SLCO6A1: variants seen among roughly 807,000 people sequenced by gnomAD.
SLCO6A1 encodes solute carrier organic anion transporter family member 6A1.
SLCO6A1 carries 65 observed loss-of-function variants against 72.7 expected under a neutral mutation model. That is an observed-to-expected ratio of 0.89 (90% confidence interval 0.73 to 1.10). SLCO6A1 has a LOEUF of 1.10. Among genes scored for constraint, SLCO6A1 ranks in the 50% least tolerant of loss-of-function variants. The probability of loss-of-function intolerance (pLI) is 0.00; values close to 1 mark genes in which losing one functional copy is unlikely to be tolerated. For missense variants in SLCO6A1, 874 were observed against 872.6 expected (o/e 1.00, Z -0.02); for synonymous variants, 314 against 298.2 (o/e 1.05, Z -0.55).
chr5:102,400,632 A>C (rs7721084), intron 9 of SLCO6A1, among the ~76,000 whole-genome samples: 98,124 of 151,722 alleles, frequency 0.65, 31,948 homozygotes, highest in African/African-American at 0.67. Flanking sequence ...TTCTAAACTA[A>C]AAAATAAGAA....
intron 11 of SLCO6A1, 103 bp from the exon 12 acceptor site, chr5:102,388,928 A>T: frequency 2.1e-6 from 2 of 969,294 alleles, no homozygotes; most frequent in Non-Finnish European, 3.0e-6. Flanking sequence ...TCATCATTCA[A>T]AACATATCAC....
chr5:102,428,283 T>G (rs1749028384), intron 7 of SLCO6A1, among the ~76,000 whole-genome samples: 2 of 151,686 alleles, frequency 1.3e-5, no homozygotes, highest in African/African-American at 4.8e-5. Context: ...CTTCTAGCAG[T>G]TGTGAAAAAA....
intron 2 of SLCO6A1, 72 bp from the exon 3 acceptor site, chr5:102,477,933 T>A (rs1751995612): frequency 7.2e-7 from 1 of 1,396,512 alleles, no homozygotes; most frequent in South Asian, 1.4e-5. Flanking sequence ...GTATTCTTTA[T>A]CAAATATTTT....
At chr5:102,374,025 T>C (rs1189230649) in intron 12 of SLCO6A1, among the ~76,000 whole-genome samples, 2 of 143,714 alleles carry the variant, frequency 1.4e-5, no homozygotes, top group Non-Finnish European at 3.0e-5. Flanking sequence ...TTTTCAATTT[T>C]TTTAAATTAA....
Position 102,481,493 on chromosome 5 carries a change from T to C in SLCO6A1, c.359-1059A>G, listed in dbSNP as rs141956853. On this transcript the variant is annotated intron_variant, in intron 1 of 13. Coordinates refer to ENST00000506729, the MANE Select transcript of SLCO6A1 (RefSeq NM_173488.5). ...CTGCCACAGATTCACTTGCAGCATGTAAGTCGAAGTCAGCTGGGCCCCAGC... is the reference window on the plus strand; with the variant it reads ...CTGCCACAGATTCACTTGCAGCATGCAAGTCGAAGTCAGCTGGGCCCCAGC... Among the ~76,000 whole-genome samples, 1,034 of 152,308 alleles carry C rather than the reference T, an allele frequency of 6.8e-3. 9 individuals carry two copies. The highest frequency in any genetic ancestry group is 0.024 in the African/African-American group (984 of 41,574).
In SLCO6A1 at chr5:102,438,617, C is replaced by T; in HGVS notation, c.1276G>A (p.Gly426Arg). ...AATGACAATAAGAAGGTAAATCTAC[C>T]TGCAAGTGTAGTTGCCACAGTGGGT... is the stretch of plus-strand genomic sequence containing the variant. ...LTPTVATTLA[G>R]LVLIPGGALG... is the part of the protein sequence containing the mutation. The change falls in exon 7 of 14, where the codon GGA (glycine) becomes AGA (arginine). Residue 426 changes from glycine (G) to arginine (R), a missense_variant and splice_region_variant. Gly to Arg is a moderately radical substitution (Grantham distance 125). Coordinates refer to ENST00000506729, the MANE Select transcript of SLCO6A1 (RefSeq NM_173488.5). 2 of 1,586,880 alleles carry T rather than the reference C, an allele frequency of 1.3e-6. No homozygotes were observed. Among genetic ancestry groups the T allele is most frequent in the Non-Finnish European group, 1.7e-6 (2 of 1,171,410 alleles).
chr5:102,433,715 C>T (rs1160509549), intron 7 of SLCO6A1, among the ~76,000 whole-genome samples: 2 of 152,138 alleles, frequency 1.3e-5, no homozygotes, highest in African/African-American at 4.8e-5. Context: ...AGGGCAGTGG[C>T]AATGGGATCC....
At chr5:102,470,347 G>T (rs1751541810) in intron 4 of SLCO6A1, among the ~76,000 whole-genome samples, 1 of 151,992 alleles carries the variant, frequency 6.6e-6, no homozygotes, top group Non-Finnish European at 1.5e-5. Flanking sequence ...ACCTGTTATT[G>T]GTCTATTCAG....
intron 4 of SLCO6A1, among the ~76,000 whole-genome samples, chr5:102,465,609 CTAGAAGAATAAAAAT>C (rs945380906): frequency 9.2e-5 from 14 of 151,974 alleles, no homozygotes; most frequent in African/African-American, 3.4e-4. Context: ...ATCATATAAC[CTAGAAGAATAAAAAT>C]TAGAAGAAAA....
intron 6 of SLCO6A1, 31 bp downstream of exon 6, chr5:102,458,351 T>A (rs1750847081): frequency 6.7e-7 from 1 of 1,495,770 alleles, no homozygotes; most frequent in Non-Finnish European, 9.2e-7. Flanking sequence ...TCAACTTAGT[T>A]GGATTGTTCA....
rs775893559 is a variant in SLCO6A1, at chr5:102,477,781, T to C, written c.697A>G (p.Ile233Val). 6 of 1,613,824 alleles carry C rather than the reference T, an allele frequency of 3.7e-6. No homozygotes were observed. The Admixed American group carries it at 1.0e-4, about 27-fold the overall frequency. The change falls in exon 3 of 14, where the codon ATC becomes GTC. Residue 233 changes from isoleucine to valine, a missense_variant. By Grantham distance (29) the Ile-to-Val change is conservative (BLOSUM62 3). Transcript: ENST00000506729. ...SFQSKYLSFF[I>V]LGQTVQGIAG... ...ATTCCCTGCACAGTCTGCCCAAGGATGAAGAAAGACAGGTATTTTGATTGG... is the reference window on the plus strand; with the variant it reads ...ATTCCCTGCACAGTCTGCCCAAGGACGAAGAAAGACAGGTATTTTGATTGG...
intron 12 of SLCO6A1, among the ~76,000 whole-genome samples, chr5:102,387,055 G>T (rs554118050): frequency 2.6e-5 from 4 of 152,092 alleles, no homozygotes; most frequent in Non-Finnish European, 5.9e-5. Context: ...TCTCCTGAAG[G>T]TATTTTCACA....
chr5:102,461,905 G>A (rs571094696), intron 4 of SLCO6A1, among the ~76,000 whole-genome samples: 5 of 152,042 alleles, frequency 3.3e-5, no homozygotes, highest in African/African-American at 7.2e-5. Flanking sequence ...GAAATAAAGG[G>A]CATCCAAATC....
chr5:102,481,474 C>T (rs1419180832), intron 1 of SLCO6A1, among the ~76,000 whole-genome samples: 1 of 152,210 alleles, frequency 6.6e-6, no homozygotes, highest in Non-Finnish European at 1.5e-5. Flanking sequence ...TCTGCTGCCA[C>T]AGATTCACTT....
chr5:102,489,220 G>C (rs868719868), intron 1 of SLCO6A1, among the ~76,000 whole-genome samples: 1 of 152,208 alleles, frequency 6.6e-6, no homozygotes, highest in Non-Finnish European at 1.5e-5. Flanking sequence ...CCTCAGACCT[G>C]CAAGGATTTG....
intron 1 of SLCO6A1, among the ~76,000 whole-genome samples, chr5:102,483,929 C>T (rs1188093284): frequency 6.6e-6 from 1 of 152,156 alleles, no homozygotes; most frequent in Non-Finnish European, 1.5e-5. Context: ...ATTCTGCCGC[C>T]TGTGAGTAAG....
rs1373173881 is a variant in SLCO6A1, at chr5:102,399,116, A to C, written c.1814+439T>G. On this transcript the variant is annotated intron_variant, in intron 10 of 13. Coordinates refer to ENST00000506729, the MANE Select transcript of SLCO6A1 (RefSeq NM_173488.5). The stretch of plus-strand genomic sequence containing the variant: ...TTGGTTTTGTTTAGAATAATAATAA[A>C]AATTATATACTGAAATTCTAAAAGT... 3.3e-5 allele frequency among the ~76,000 whole-genome samples: 5 copies of C among 152,108 alleles called. No individual in the cohort carries two copies. In the South Asian group the frequency reaches 8.3e-4, roughly 25 times the overall value.
At chr5:102,498,202 A>T (rs1363689137) in intron 1 of SLCO6A1, among the ~76,000 whole-genome samples, 1 of 151,486 alleles carries the variant, frequency 6.6e-6, no homozygotes, top group East Asian at 1.9e-4. Context: ...CAATAAAAAA[A>T]CTCTGGTCTC....
intron 1 of SLCO6A1, among the ~76,000 whole-genome samples, chr5:102,480,887 A>T (rs929952296): frequency 1.3e-5 from 2 of 152,178 alleles, no homozygotes; most frequent in African/African-American, 4.8e-5. Context: ...AGCATCCTGT[A>T]TTTAAAGTTT....
Sources: allele counts gnomAD v4.1 joint callset (sites outside exome capture counted in the v4.1 genomes callset), GRCh38; gene constraint gnomAD v4.1.1; transcripts MANE v1.5; gene names NCBI Gene and HGNC (gene_info 2026-07-23, HGNC 2026-07-21).